SETBP1: variants seen among roughly 807,000 people sequenced by gnomAD.
SETBP1 encodes the protein SET binding protein 1, also known as SET-binding protein.
SETBP1 carries 9 observed loss-of-function variants against 101.0 expected under a neutral mutation model. The ratio of observed to expected loss-of-function variants is 0.09; its 90% CI spans 0.05 to 0.16. The LOEUF (loss-of-function observed/expected upper bound fraction) is 0.16, where lower values mean the gene tolerates loss of function less well. Among genes scored for constraint, SETBP1 ranks in the 10% least tolerant of loss-of-function variants. The pLI is 1.00. For synonymous variants in SETBP1, 818 were observed against 788.5 expected (o/e 1.04, Z -0.63); for missense variants, 1,858 against 2,033.8 (o/e 0.91, Z 1.66).
intron 3 of SETBP1, among the ~76,000 whole-genome samples, chr18:44,923,629 G>A (rs2070631494): frequency 6.6e-6 from 1 of 152,162 alleles, no homozygotes; most frequent in African/African-American, 2.4e-5. Context: ...AAATTAAGTA[G>A]AATTAAGCAG....
At chr18:45,052,280 A>G (rs2073735369) in intron 5 of SETBP1, among the ~76,000 whole-genome samples, 1 of 152,260 alleles carries the variant, frequency 6.6e-6, no homozygotes, top group Non-Finnish European at 1.5e-5. Context: ...GGCAACATAG[A>G]GAGGAGCAAA....
At chr18:44,748,396 G>C (rs934491933) in intron 2 of SETBP1, among the ~76,000 whole-genome samples, 7 of 152,232 alleles carry the variant, frequency 4.6e-5, no homozygotes, top group Non-Finnish European at 8.8e-5. Context: ...AAGAACATTG[G>C]TTTACTTTTC....
intron 2 of SETBP1, among the ~76,000 whole-genome samples, chr18:44,857,441 G>A (rs1166861248): frequency 6.6e-6 from 1 of 152,212 alleles, no homozygotes; most frequent in African/African-American, 2.4e-5. Context: ...TCATGTTAGA[G>A]GTGGGGAATA....
chr18:44,932,469 A>T (rs917404507), intron 3 of SETBP1, among the ~76,000 whole-genome samples: 1 of 152,082 alleles, frequency 6.6e-6, no homozygotes, highest in Non-Finnish European at 1.5e-5. Flanking sequence ...GTATTTCCTG[A>T]ATTTGAATGT....
intron 5 of SETBP1, among the ~76,000 whole-genome samples, chr18:45,061,787 A>G (rs12962981): frequency 6.6e-6 from 1 of 152,226 alleles, no homozygotes; most frequent in African/African-American, 2.4e-5. Context: ...CTGCTTCTCT[A>G]TTAGTAGGTA....
intron 2 of SETBP1, among the ~76,000 whole-genome samples, chr18:44,786,205 T>C (rs2071235986): frequency 6.6e-6 from 1 of 152,232 alleles, no homozygotes. Context: ...GTTTTAGTTA[T>C]TTGTGGTTGA....
At chr18:44,968,396 T>A (rs573216833) in intron 4 of SETBP1, among the ~76,000 whole-genome samples, 2 of 152,298 alleles carry the variant, frequency 1.3e-5, no homozygotes, top group African/African-American at 4.8e-5. Flanking sequence ...TTCAATGTGA[T>A]AAGTTTTGGG....
intron 2 of SETBP1, among the ~76,000 whole-genome samples, chr18:44,814,801 A>G (rs2071941715): frequency 6.6e-6 from 1 of 152,236 alleles, no homozygotes; most frequent in Non-Finnish European, 1.5e-5. Context: ...GGTTTTTAAA[A>G]ATTGGCTTGG....
chr18:44,986,488 G>A (rs889549359), intron 4 of SETBP1: 1 of 152,100 alleles, frequency 6.6e-6, no homozygotes, highest in Non-Finnish European at 1.5e-5. Context: ...GTGGCTTACT[G>A]TGACTTTTTA....
rs565470833 is a variant in SETBP1, at chr18:44,931,430, A to G, written c.541-18451A>G. 2.6e-5 allele frequency among the ~76,000 whole-genome samples: 4 copies of G among 152,268 alleles called. No individual in the cohort carries two copies. The East Asian group carries it at 7.7e-4, about 29-fold the overall frequency. On this transcript the variant is annotated intron_variant, in intron 3 of 5. Coordinates refer to ENST00000649279, the MANE Select transcript of SETBP1 (RefSeq NM_015559.3). Reference sequence around the variant, plus strand: ...TGTATATTCTGTTGATTTGGGGTGGAGACTTCTGTACATGTCTATTAGGTC... The same window carrying G: ...TGTATATTCTGTTGATTTGGGGTGGGGACTTCTGTACATGTCTATTAGGTC...
intron 2 of SETBP1, among the ~76,000 whole-genome samples, chr18:44,806,552 G>T (rs1184066314): frequency 7.1e-6 from 1 of 141,278 alleles, no homozygotes; most frequent in African/African-American, 2.6e-5. Flanking sequence ...CTCTTAACAT[G>T]CTGAAAACTA....
chr18:45,021,472 C>T (rs1381567615), intron 4 of SETBP1, among the ~76,000 whole-genome samples: 5 of 152,170 alleles, frequency 3.3e-5, no homozygotes, highest in African/African-American at 1.2e-4. Flanking sequence ...AATGTTCACC[C>T]TCTGTCATTA....
chr18:44,694,644 G>T (rs1359822256), intron 1 of SETBP1, among the ~76,000 whole-genome samples: 1 of 152,190 alleles, frequency 6.6e-6, no homozygotes, highest in Non-Finnish European at 1.5e-5. Context: ...ACTTGATATG[G>T]TCTCTGGTAA....
At position 44,915,324 on chromosome 18, in the gene SETBP1, A is replaced by T. The variant is rs117889454; in HGVS notation, c.541-34557A>T. Among the ~76,000 whole-genome samples the T allele has an allele frequency of 8.9e-4, 135 of 152,286 alleles. 2 individuals carry two copies. The East Asian group carries it at 0.025, about 28-fold the overall frequency. Reference sequence around the variant, plus strand: ...TTTGGTGGCTCAGGGAAGAATTATGAATCTTTTCTTCCAGGCTAAAGGATC... The same window carrying T: ...TTTGGTGGCTCAGGGAAGAATTATGTATCTTTTCTTCCAGGCTAAAGGATC... On this transcript the variant is annotated intron_variant, in intron 3 of 5. Transcript: ENST00000649279.
At chr18:44,821,850 T>G (rs2072120667) in intron 2 of SETBP1, among the ~76,000 whole-genome samples, 1 of 152,220 alleles carries the variant, frequency 6.6e-6, no homozygotes, top group Non-Finnish European at 1.5e-5. Context: ...GTCTCCTTGG[T>G]GTACCTGGGG....
chr18:44,937,130 C>T (rs78677036), intron 3 of SETBP1, among the ~76,000 whole-genome samples: 314 of 152,312 alleles, frequency 2.1e-3, no homozygotes, highest in African/African-American at 7.1e-3. Context: ...CAGTCTTCAA[C>T]TTCTAATGCT....
rs2071389822 is a variant in SETBP1, at chr18:44,952,737, A to T, written c.3397A>T (p.Asn1133Tyr). 1 of 1,613,964 alleles carries T rather than the reference A, an allele frequency of 6.2e-7. No homozygotes were observed. Among genetic ancestry groups the T allele is most frequent in the Admixed American group, 1.7e-5 (1 of 59,994 alleles). Residue 1133 changes from asparagine (N) to tyrosine (Y), a missense_variant, in exon 4 of 6, where the codon AAC becomes TAC. Physicochemically the swap from Asn to Tyr is moderately radical, Grantham distance 143. Around this residue, in one of 12 missense-constraint regions of SETBP1, gnomAD observed 417 missense variants for 389.1 expected, o/e 1.07. Transcript: ENST00000649279. ...MGLGDMQPSL[N>Y]PPKVGSASLS... Reference sequence around the variant, plus strand: ...CCTTGGTGACATGCAGCCTTCTCTGAACCCTCCCAAGGTAGGCAGTGCCAG... The same window carrying T: ...CCTTGGTGACATGCAGCCTTCTCTGTACCCTCCCAAGGTAGGCAGTGCCAG...
intron 2 of SETBP1, among the ~76,000 whole-genome samples, chr18:44,706,084 GC>G (rs2069210506): frequency 6.6e-6 from 1 of 152,158 alleles, no homozygotes; most frequent in African/African-American, 2.4e-5. Flanking sequence ...GAGCTCAGAA[GC>G]TACTTCGGGG....
chr18:44,858,625 G>A (rs1306323986), intron 2 of SETBP1, among the ~76,000 whole-genome samples: 2 of 152,154 alleles, frequency 1.3e-5, no homozygotes, highest in Non-Finnish European at 2.9e-5. Context: ...GGAAGAGCTT[G>A]CTTTTCACCT....
Sources: allele counts gnomAD v4.1 joint callset (sites outside exome capture counted in the v4.1 genomes callset), GRCh38; gene constraint gnomAD v4.1.1; regional missense constraint gnomAD v4.1.1; transcripts MANE v1.5; gene names NCBI Gene and HGNC (gene_info 2026-07-23, HGNC 2026-07-21).